GMDS: variants seen among roughly 807,000 people sequenced by gnomAD.
GMDS encodes GDP-mannose 4,6-dehydratase, also known as GDP-mannose 4,6 dehydratase.
A neutral mutation model predicts 49.9 loss-of-function variants in GMDS; 20 were observed. That is an observed-to-expected ratio of 0.40 (90% confidence interval 0.28 to 0.58). GMDS has a LOEUF of 0.58. GMDS is among the 20% of genes least tolerant of loss of function. GMDS has a pLI of 0.42. For synonymous variants in GMDS, 177 were observed against 178.6 expected, an observed-to-expected ratio of 0.99 and a Z score of 0.07; for missense variants, 362 against 481.4, an observed-to-expected ratio of 0.75 and a Z score of 2.32.
chr6:1,909,182 A>C lies in GMDS; in HGVS notation c.771+20921T>G, dbSNP rs903058128. On this transcript the variant is annotated intron_variant, in intron 7 of 10. Transcript: ENST00000380815. ...ACAAAGACTTTACGGTTTTTGGAACAAGTAAAGTTTGGTGAATTAAGTGAG... is the reference window on the plus strand; with the variant it reads ...ACAAAGACTTTACGGTTTTTGGAACCAGTAAAGTTTGGTGAATTAAGTGAG... Among the ~76,000 whole-genome samples, 17 of 152,208 alleles carry C rather than the reference A, an allele frequency of 1.1e-4. 1 individual carries two copies. Among genetic ancestry groups the C allele is most frequent in the African/African-American group, 2.9e-4 (12 of 41,456 alleles).
In GMDS at chr6:1,624,281, G is replaced by A. The variant is rs1234614490; in HGVS notation, c.1057-50C>T. 2.6e-6 allele frequency: 4 copies of A among 1,545,312 alleles called. No individual in the cohort carries two copies. The African/African-American group carries it at 4.1e-5, about 16-fold the overall frequency. ...GGAGGAGCTTCTGCCACTCTCTCCT[G>A]GTGACACCCCACCCCGGGTGTCGGC... On this transcript the variant is annotated intron_variant, in intron 10 of 10. Transcript: ENST00000380815.
intron 4 of GMDS, among the ~76,000 whole-genome samples, chr6:1,983,565 T>G (rs1363211077): frequency 6.6e-6 from 1 of 152,038 alleles, no homozygotes; most frequent in East Asian, 1.9e-4. Flanking sequence ...GCAAAGAACA[T>G]GAACAGACAT....
chr6:2,055,598 T>C (rs1770732093), intron 4 of GMDS, among the ~76,000 whole-genome samples: 1 of 152,120 alleles, frequency 6.6e-6, no homozygotes. Context: ...CCTCATAGGT[T>C]AGCATTTAGG....
intron 2 of GMDS, among the ~76,000 whole-genome samples, chr6:2,120,048 G>T (rs1275650678): frequency 6.6e-6 from 1 of 152,182 alleles, no homozygotes; most frequent in Non-Finnish European, 1.5e-5. Context: ...TGGAGGCAAG[G>T]ACGACTCCCA....
chr6:1,845,931 T>C (rs1201154980), intron 7 of GMDS, among the ~76,000 whole-genome samples: 1 of 152,016 alleles, frequency 6.6e-6, no homozygotes, highest in African/African-American at 2.4e-5. Context: ...TGCTGTTAAG[T>C]CCTCATAGCA....
chr6:1,897,312 A>G (rs1351434379), intron 7 of GMDS, among the ~76,000 whole-genome samples: 1 of 152,154 alleles, frequency 6.6e-6, no homozygotes, highest in Non-Finnish European at 1.5e-5. Flanking sequence ...CCTAATGGTC[A>G]TTTTAAATTA....
intron 1 of GMDS, among the ~76,000 whole-genome samples, chr6:2,233,599 C>A (rs1169846516): frequency 1.3e-5 from 2 of 152,200 alleles, no homozygotes; most frequent in Admixed American, 6.5e-5. Flanking sequence ...GTGGGCAGAT[C>A]ACTTGAGGTC....
intron 7 of GMDS, among the ~76,000 whole-genome samples, chr6:1,761,300 C>T (rs1768145630): frequency 6.6e-6 from 1 of 152,168 alleles, no homozygotes; most frequent in African/African-American, 2.4e-5. Context: ...AATGAATTAA[C>T]ACTTTTAAAG....
intron 1 of GMDS, among the ~76,000 whole-genome samples, chr6:2,128,519 G>A (rs1472387006): frequency 1.3e-5 from 2 of 152,034 alleles, no homozygotes; most frequent in Non-Finnish European, 2.9e-5. Flanking sequence ...TTGGCATCTC[G>A]GGTAACTGAG....
rs573484346 is a variant in GMDS at position 1,644,649 on chromosome 6, G to A, written c.988-20109C>T. ...GGAGCTGCTCTAATCCCTGCTGCCC[G>A]CCCAGGAAGGAGATCCCAAGGTCCC... On this transcript the variant is annotated intron_variant, in intron 9 of 10. Transcript: ENST00000380815. 4.6e-5 allele frequency among the ~76,000 whole-genome samples: 7 copies of A among 152,274 alleles called. No homozygotes were observed. In the East Asian group the frequency reaches 9.7e-4, roughly 21 times the overall value.
chr6:1,762,440 G>C (rs976309127), intron 7 of GMDS, among the ~76,000 whole-genome samples: 2 of 152,272 alleles, frequency 1.3e-5, no homozygotes, highest in Non-Finnish European at 2.9e-5. Flanking sequence ...GGCTGGTAAA[G>C]GCCATGCTCG....
At chr6:1,947,447 G>A (rs1005682890) in intron 6 of GMDS, among the ~76,000 whole-genome samples, 2 of 152,324 alleles carry the variant, frequency 1.3e-5, no homozygotes, top group Non-Finnish European at 2.9e-5. Context: ...TTTACACTGT[G>A]TGGGCATTAG....
At chr6:1,630,948 C>T (rs1423458771) in intron 9 of GMDS, among the ~76,000 whole-genome samples, 1 of 152,138 alleles carries the variant, frequency 6.6e-6, no homozygotes, top group East Asian at 1.9e-4. Context: ...TTGTCAGTGA[C>T]CTCAGCATTC....
chr6:1,983,927 T>A (rs1216545097), intron 4 of GMDS, among the ~76,000 whole-genome samples: 1 of 152,188 alleles, frequency 6.6e-6, no homozygotes, highest in Admixed American at 6.5e-5. Flanking sequence ...ATGCGTATGT[T>A]CAGTGCAGCA....
At chr6:2,230,402 C>T (rs528435512) in intron 1 of GMDS, among the ~76,000 whole-genome samples, 2 of 152,314 alleles carry the variant, frequency 1.3e-5, no homozygotes, top group African/African-American at 4.8e-5. Flanking sequence ...TTTCCTGGAT[C>T]CATCCCTAAG....
intron 8 of GMDS, among the ~76,000 whole-genome samples, chr6:1,727,665 T>G (rs1227705666): frequency 6.6e-6 from 1 of 152,174 alleles, no homozygotes; most frequent in Admixed American, 6.5e-5. Flanking sequence ...TTGGAATAGG[T>G]TGAGAATTAA....
chr6:2,198,694 T>C (rs1184746268), intron 1 of GMDS, among the ~76,000 whole-genome samples: 1 of 152,188 alleles, frequency 6.6e-6, no homozygotes, highest in African/African-American at 2.4e-5. Flanking sequence ...TGTGCGAAAC[T>C]GGAAAATATT....
intron 6 of GMDS, among the ~76,000 whole-genome samples, chr6:1,945,382 T>C (rs1449130886): frequency 6.6e-6 from 1 of 152,064 alleles, no homozygotes; most frequent in Non-Finnish European, 1.5e-5. Flanking sequence ...AACAGGAGTG[T>C]GGCCCAAGGT....
intron 9 of GMDS, among the ~76,000 whole-genome samples, chr6:1,665,568 T>C (rs2113263032): frequency 6.6e-6 from 1 of 152,308 alleles, no homozygotes; most frequent in Non-Finnish European, 1.5e-5. Flanking sequence ...CCCATTTTCC[T>C]ACCCATTTGG....
Sources: allele counts gnomAD v4.1 joint callset (sites outside exome capture counted in the v4.1 genomes callset), GRCh38; gene constraint gnomAD v4.1.1; transcripts MANE v1.5; gene names NCBI Gene and HGNC (gene_info 2026-07-23, HGNC 2026-07-21).